UBASH3B: variants seen among roughly 807,000 people sequenced by gnomAD.
UBASH3B encodes ubiquitin associated and SH3 domain containing B.
Under a neutral mutation model 83.4 loss-of-function variants are expected in UBASH3B, and 37 were observed. The observed-to-expected ratio is 0.44, with a 90% CI of 0.34 to 0.58. The LOEUF (loss-of-function observed/expected upper bound fraction) is 0.58. UBASH3B is among the 20% of genes least tolerant of loss of function. UBASH3B has a pLI of 0.01. For synonymous variants in UBASH3B, 304 were observed against 318.3 expected, an observed-to-expected ratio of 0.96 and a Z score of 0.48; for missense variants, 657 against 827.2, an observed-to-expected ratio of 0.79 and a Z score of 2.52.
At chr11:122,657,850 A>T (rs1863384251) in intron 1 of UBASH3B, among the ~76,000 whole-genome samples, 1 of 152,112 alleles carries the variant, frequency 6.6e-6, no homozygotes, top group African/African-American at 2.4e-5. Flanking sequence ...TGGACGCTTC[A>T]GGTGAAGTCG....
At chr11:122,745,618 T>C (rs884393) in intron 1 of UBASH3B, among the ~76,000 whole-genome samples, 29,748 of 152,266 alleles carry the variant, frequency 0.2, 3,135 homozygotes, top group Middle Eastern at 0.25. Context: ...TTTACAAAGA[T>C]ATTATTGACC....
chr11:122,754,495 G>T (rs781243887), intron 1 of UBASH3B, among the ~76,000 whole-genome samples: 14 of 152,180 alleles, frequency 9.2e-5, no homozygotes, highest in Admixed American at 2.0e-4. Flanking sequence ...CTTCTAGCTG[G>T]GATGAACAGC....
rs1047716638 is a variant in UBASH3B, at chr11:122,779,774, T to C, written c.601+79T>C. 6.4e-6 allele frequency: 10 copies of C among 1,554,676 alleles called. No individual in the cohort carries two copies. The African/African-American group carries it at 1.1e-4, about 17-fold the overall frequency. ...AAGGAAAAAGGATAGGAAATAGTGG[T>C]AGAGGAGCAGGATGGGGTCAGGAGG... On this transcript the variant is annotated intron_variant, in intron 4 of 13. Transcript: ENST00000284273.
intron 1 of UBASH3B, among the ~76,000 whole-genome samples, chr11:122,705,765 G>A (rs1389439843): frequency 1.3e-5 from 2 of 152,180 alleles, no homozygotes; most frequent in Admixed American, 6.5e-5. Flanking sequence ...GAGGCTGGGG[G>A]GCTTTGAGAG....
chr11:122,788,685 C>T (rs999954335), intron 5 of UBASH3B, among the ~76,000 whole-genome samples: 2 of 152,106 alleles, frequency 1.3e-5, no homozygotes, highest in Admixed American at 1.3e-4. Context: ...CTGTAACCCC[C>T]GTATGGAAGA....
intron 1 of UBASH3B, among the ~76,000 whole-genome samples, chr11:122,725,666 C>T (rs1317026925): frequency 6.6e-6 from 1 of 152,064 alleles, no homozygotes. Flanking sequence ...AGTGGGGCTC[C>T]ATTGCTTGTT....
intron 1 of UBASH3B, among the ~76,000 whole-genome samples, chr11:122,742,420 T>C (rs1474639839): frequency 6.6e-6 from 1 of 152,172 alleles, no homozygotes; most frequent in Non-Finnish European, 1.5e-5. Flanking sequence ...TGCTCCATTT[T>C]ATGGGTCCCG....
At chr11:122,739,863 C>G (rs1224760862) in intron 1 of UBASH3B, among the ~76,000 whole-genome samples, 1 of 152,198 alleles carries the variant, frequency 6.6e-6, no homozygotes, top group Non-Finnish European at 1.5e-5. Flanking sequence ...ATCCTTCAGA[C>G]AGATGGCACA....
chr11:122,750,514 A>G (rs1412267242), intron 1 of UBASH3B, among the ~76,000 whole-genome samples: 1 of 152,190 alleles, frequency 6.6e-6, no homozygotes, highest in Non-Finnish European at 1.5e-5. Flanking sequence ...TTTACTCTCC[A>G]TGAGGTAAGG....
Position 122,808,144 on chromosome 11 carries a change from A to G in UBASH3B, c.1780A>G (p.Asn594Asp). Residue 594 changes from asparagine to aspartate, a missense_variant, in exon 13 of 14, where the codon AAC becomes GAC. Physicochemically the swap from Asn to Asp is conservative, Grantham distance 23. Transcript: ENST00000284273. Reference protein sequence around the residue: ...TCQLQGLSPQNSKDFVQMVRK... With the variant: ...TCQLQGLSPQDSKDFVQMVRK... ...CCAACTTCAGGGCCTGTCACCTCAG[A>G]ACTCCAAGGACTTCGTACAAATGGT... 6.2e-7 allele frequency: 1 copy of G among 1,614,172 alleles called. No homozygotes were observed. The highest frequency in any genetic ancestry group is 8.5e-7 in the Non-Finnish European group (1 of 1,180,010).
intron 1 of UBASH3B, among the ~76,000 whole-genome samples, chr11:122,771,377 CA>C (rs2135131732): frequency 6.6e-6 from 1 of 152,194 alleles, no homozygotes; most frequent in South Asian, 2.1e-4. Flanking sequence ...GGATTACAGG[CA>C]CCCACCACCA....
chr11:122,662,491 G>A (rs1482546911), intron 1 of UBASH3B, among the ~76,000 whole-genome samples: 5 of 149,568 alleles, frequency 3.3e-5, no homozygotes, highest in South Asian at 4.2e-4. Flanking sequence ...GCAATGCTGC[G>A]ATCTCAGCTC....
At chr11:122,679,287 G>T (rs1368819155) in intron 1 of UBASH3B, among the ~76,000 whole-genome samples, 6 of 152,238 alleles carry the variant, frequency 3.9e-5, no homozygotes. Flanking sequence ...GTATTTGGGG[G>T]CAGAGGAGCT....
At chr11:122,803,654 G>A (rs1861292419) in intron 11 of UBASH3B, among the ~76,000 whole-genome samples, 1 of 152,198 alleles carries the variant, frequency 6.6e-6, no homozygotes, top group African/African-American at 2.4e-5. Flanking sequence ...CCCTGACTCA[G>A]AGGACAGGGG....
chr11:122,712,655 C>A (rs1229561829), intron 1 of UBASH3B, among the ~76,000 whole-genome samples: 1 of 152,056 alleles, frequency 6.6e-6, no homozygotes, highest in East Asian at 1.9e-4. Context: ...AGCTGGGAGG[C>A]AAGAGGAGAA....
At chr11:122,722,462 G>A (rs2135945039) in intron 1 of UBASH3B, among the ~76,000 whole-genome samples, 1 of 152,284 alleles carries the variant, frequency 6.6e-6, no homozygotes, top group South Asian at 2.1e-4. Flanking sequence ...AAATGTCTGT[G>A]TGTCTCTGGA....
At chr11:122,807,975 C>G in intron 12 of UBASH3B, 92 bp from the exon 13 acceptor site, 2 of 958,594 alleles carry the variant, frequency 2.1e-6, no homozygotes, top group Non-Finnish European at 1.7e-6. Flanking sequence ...TGTGTTTGCT[C>G]CCCTGCAGAG....
chr11:122,773,137 G>T (rs964521935), intron 1 of UBASH3B, among the ~76,000 whole-genome samples: 2 of 152,224 alleles, frequency 1.3e-5, no homozygotes, highest in Non-Finnish European at 2.9e-5. Flanking sequence ...TAGCAGATGC[G>T]CAGACTCAGT....
intron 1 of UBASH3B, among the ~76,000 whole-genome samples, chr11:122,728,343 C>T (rs1230632854): frequency 1.3e-5 from 2 of 152,220 alleles, no homozygotes; most frequent in African/African-American, 4.8e-5. Context: ...AGACATCCTT[C>T]TGCCTTTTCT....
Sources: allele counts gnomAD v4.1 joint callset (sites outside exome capture counted in the v4.1 genomes callset), GRCh38; gene constraint gnomAD v4.1.1; transcripts MANE v1.5; gene names NCBI Gene and HGNC (gene_info 2026-07-23, HGNC 2026-07-21).